LARP7: variants seen among roughly 807,000 people sequenced by gnomAD.
The protein encoded by LARP7 is La ribonucleoprotein 7, transcriptional regulator.
A neutral mutation model predicts 69.3 loss-of-function variants in LARP7; 52 were observed. That is an observed-to-expected ratio of 0.75 (90% CI 0.60 to 0.95). LARP7 has a LOEUF of 0.95. Among genes scored for constraint, LARP7 ranks in the 40% least tolerant of loss-of-function variants. LARP7 has a pLI of 0.00. For synonymous variants in LARP7, 254 were observed against 215.9 expected (o/e 1.18, Z -1.55); for missense variants, 733 against 673.0 (o/e 1.09, Z -0.99).
chr4:112,657,297 T>C lies in LARP7; in HGVS notation c.1719T>C (p.Ser573=). The change falls in exon 13 of 13, where the codon AGT becomes AGC. Residue 573 remains serine (S), a synonymous_variant. Coordinates refer to ENST00000344442, the MANE Select transcript of LARP7 (RefSeq NM_016648.4). ...GACTGGCAAAGACTCAACAAGCGAG[T>C]AAACATATAAGATTTTCTGAATATG... ...KIRLAKTQQA[S]KHIRFSEYD is the part of the protein sequence containing the mutation. The C allele has an allele frequency of 6.3e-7, 1 of 1,589,748 alleles. No individual in the cohort carries two copies. Among genetic ancestry groups the C allele is most frequent in the South Asian group, 1.2e-5 (1 of 86,386 alleles).
intron 10 of LARP7, among the ~76,000 whole-genome samples, chr4:112,651,843 G>T (rs947460376): frequency 3.9e-5 from 6 of 152,076 alleles, no homozygotes. Context: ...TGTAGTAATT[G>T]AATATGCTCA....
chr4:112,647,102 G>A lies in LARP7; in HGVS notation c.621G>A (p.Lys207=). 6.2e-7 allele frequency: 1 copy of A among 1,610,308 alleles called. No individual in the cohort carries two copies. Among genetic ancestry groups the A allele is most frequent in the Middle Eastern group, 1.7e-4 (1 of 6,046 alleles). The change falls in exon 6 of 13, where the codon AAG becomes AAA. Residue 207 remains lysine (K), a synonymous_variant. Coordinates refer to ENST00000344442, the MANE Select transcript of LARP7 (RefSeq NM_016648.4). ...PGIFPKTVKN[K]PIPALRVVEE... ...TATTTCCTAAAACAGTGAAAAATAA[G>A]CCCATTCCAGCCTTAAGAGTTGTGG...
In LARP7 at chr4:112,647,975, TAACGC is replaced by T. The variant is rs754275028; in HGVS notation, c.1142+144_1142+148del. 17 of 756,796 alleles carry T rather than the reference TAACGC, an allele frequency of 2.2e-5. No individual in the cohort carries two copies. In the Admixed American group the frequency reaches 2.8e-4, roughly 12 times the overall value. The allele number at this position is 756,796 out of a possible 1,614,324, so 46.9% of individuals were successfully genotyped here. ...CAAGAACTGCACACAGTGTGGGCGT[TAACGC>T]AATTGCTGATTAGGTAGGAACCACC... On this transcript the variant is annotated intron_variant, in intron 8 of 12. Transcript: ENST00000344442.
At chr4:112,653,854 C>T (rs941781681) in intron 11 of LARP7, among the ~76,000 whole-genome samples, 1 of 152,164 alleles carries the variant, frequency 6.6e-6, no homozygotes, top group African/African-American at 2.4e-5. Context: ...GGTGATCCTC[C>T]CTCCTCGCCC....
chr4:112,647,003 A>G, intron 5 of LARP7, 31 bp from the exon 6 acceptor site: 2 of 1,586,486 alleles, frequency 1.3e-6, no homozygotes, highest in Non-Finnish European at 1.7e-6. Flanking sequence ...GAAAACAAGT[A>G]TTAAAATAGT....
At chr4:112,646,184 G>T (rs980485125) in intron 2 of LARP7, among the ~76,000 whole-genome samples, 167 bp from the exon 3 acceptor site, 8 of 151,954 alleles carry the variant, frequency 5.3e-5, no homozygotes, top group African/African-American at 1.9e-4. Context: ...TCACTATGTT[G>T]GCCAGGCTGG....
intron 1 of LARP7, among the ~76,000 whole-genome samples, chr4:112,642,692 C>T (rs2048008605): frequency 6.6e-6 from 1 of 152,196 alleles, no homozygotes; most frequent in Non-Finnish European, 1.5e-5. Context: ...CCATATCTAG[C>T]AATTACCCAA....
At chr4:112,641,825 TG>T (rs2047976536) in intron 1 of LARP7, among the ~76,000 whole-genome samples, 1 of 152,106 alleles carries the variant, frequency 6.6e-6, no homozygotes, top group South Asian at 2.1e-4. Context: ...GATAAACTAG[TG>T]GAGGTGTCAG....
intron 8 of LARP7, chr4:112,648,287 C>G (rs1307578426): frequency 1.9e-6 from 1 of 528,320 alleles, no homozygotes; most frequent in South Asian, 1.4e-5. Flanking sequence ...AATCCTTTAA[C>G]CTGTAACAAG....
At chr4:112,643,849 CAAA>C (rs1232672712) in intron 1 of LARP7, among the ~76,000 whole-genome samples, 2 of 150,578 alleles carry the variant, frequency 1.3e-5, no homozygotes, top group Non-Finnish European at 3.0e-5. Flanking sequence ...AAGACTGCCT[CAAA>C]GAAAAGAGAA....
chr4:112,644,594 G>C (rs2048091446), intron 1 of LARP7, 74 bp from the exon 2 acceptor site: 1 of 1,206,770 alleles, frequency 8.3e-7, no homozygotes, highest in African/African-American at 1.6e-5. Context: ...ACAGTTAAAG[G>C]CTAATCTAAA....
At chr4:112,655,825 G>A (rs1300493509) in intron 12 of LARP7, among the ~76,000 whole-genome samples, 6 of 152,162 alleles carry the variant, frequency 3.9e-5, no homozygotes, top group Non-Finnish European at 8.8e-5. Flanking sequence ...GGAAGTGAGC[G>A]AGTAAGCCCC....
chr4:112,650,972 T>G (rs1355052467), intron 10 of LARP7, among the ~76,000 whole-genome samples: 1 of 152,238 alleles, frequency 6.6e-6, no homozygotes, highest in South Asian at 2.1e-4. Flanking sequence ...AACCCATACT[T>G]CTATATAATT....
In LARP7 at chr4:112,647,143, T is replaced by C; in HGVS notation, c.646+16T>C. On this transcript the variant is annotated intron_variant, in intron 6 of 12. Coordinates refer to ENST00000344442, the MANE Select transcript of LARP7 (RefSeq NM_016648.4). The stretch of plus-strand genomic sequence containing the variant: ...AGAGTTGTGGGTGAGTATTTTTCAA[T>C]ATTTAAATAGGTGTAGTTGAAGTAA... 1 of 1,599,886 alleles carries C rather than the reference T, an allele frequency of 6.3e-7. No individual in the cohort carries two copies. The highest frequency in any genetic ancestry group is 8.5e-7 in the Non-Finnish European group (1 of 1,176,770).
At chr4:112,651,988 G>C (rs1560948150) in intron 10 of LARP7, among the ~76,000 whole-genome samples, 1 of 151,352 alleles carries the variant, frequency 6.6e-6, no homozygotes, top group Non-Finnish European at 1.5e-5. Context: ...GCAAGTGTAA[G>C]TCTCTGCAGT....
At chr4:112,644,945 C>CTTTTTTTTTTTTTTTTTTTTTTT (rs58234206) in intron 2 of LARP7, 74 bp downstream of exon 2, 4 of 159,990 alleles carry the variant, frequency 2.5e-5, no homozygotes, top group African/African-American at 3.5e-5. Context: ...ATAATATATT[C>CTTTTTTTTTTTTTTTTTTTTTTT]TTTTTTTTTT....
At chr4:112,647,597 ATTAG>A (rs760626307) in intron 7 of LARP7, 48 bp downstream of exon 7, 38 of 1,467,208 alleles carry the variant, frequency 2.6e-5, no homozygotes, top group Non-Finnish European at 3.1e-5. Context: ...ATTTTAATTA[ATTAG>A]TTTTTAATTA....
chr4:112,645,226 T>A (rs998177394), intron 2 of LARP7, among the ~76,000 whole-genome samples: 5 of 152,144 alleles, frequency 3.3e-5, no homozygotes, highest in African/African-American at 1.2e-4. Flanking sequence ...ATTACAGGCG[T>A]GAGCCACTAC....
At chr4:112,638,950 C>T (rs1052152660) in intron 1 of LARP7, among the ~76,000 whole-genome samples, 1 of 152,146 alleles carries the variant, frequency 6.6e-6, no homozygotes, top group African/African-American at 2.4e-5. Context: ...ATTAAGAATT[C>T]CTGAGTCAGA....
Sources: gnomAD v4.1 joint callset for allele counts (sites outside exome capture counted in the v4.1 genomes callset) on GRCh38, gnomAD v4.1.1 for gene constraint, MANE v1.5 for transcripts, NCBI Gene and HGNC (gene_info 2026-07-23, HGNC 2026-07-21) for gene names.